Variants in HSD17B4 observed in about 807,000 individuals in gnomAD.
The protein encoded by HSD17B4 is peroxisomal multifunctional enzyme type 2.
In HSD17B4, 70 loss-of-function variants were observed where a neutral mutation model predicts 101.0. The ratio of observed to expected loss-of-function variants is 0.69; its 90% CI spans 0.57 to 0.85. The LOEUF (loss-of-function observed/expected upper bound fraction) is 0.85. Among genes scored for constraint, HSD17B4 ranks in the 40% least tolerant of loss-of-function variants. The pLI is 0.00. For synonymous variants in HSD17B4, 347 were observed against 297.1 expected (o/e 1.17, Z -1.73); for missense variants, 984 against 892.4 (o/e 1.10, Z -1.31).
At chr5:119,539,233 A>G (rs2126924676) in intron 23 of HSD17B4, among the ~76,000 whole-genome samples, 1 of 152,324 alleles carries the variant, frequency 6.6e-6, no homozygotes, top group East Asian at 1.9e-4. Context: ...TGGCACATAC[A>G]CACCATAGAA....
At chr5:119,452,745 G>T (rs913096513) in intron 1 of HSD17B4, 112 bp downstream of exon 1, 3 of 1,594,422 alleles carry the variant, frequency 1.9e-6, no homozygotes, top group Non-Finnish European at 8.5e-7. Context: ...TGAGGTGGTG[G>T]GGAGGGGAAT....
rs1561463454 is a variant in HSD17B4, at chr5:119,499,417, C to CA, written c.1077dup (p.Asp360ArgfsTer7). ...GGAGTGGGAGCGTCAATCAAGGATC[C>CA]AAAAGATTTGAAATTTATTTATGAA... On this transcript the variant is annotated frameshift_variant, in exon 13 of 24. Coordinates refer to ENST00000510025, the MANE Select transcript of HSD17B4 (RefSeq NM_000414.4). LOFTEE classifies it high-confidence loss of function. 1 of 1,613,550 alleles carries CA rather than the reference C, an allele frequency of 6.2e-7. No homozygotes were observed. Among genetic ancestry groups the CA allele is most frequent in the Non-Finnish European group, 8.5e-7 (1 of 1,179,592 alleles).
intron 7 of HSD17B4, 149 bp downstream of exon 7, chr5:119,477,650 C>T: frequency 1.5e-6 from 1 of 679,978 alleles, no homozygotes; most frequent in Non-Finnish European, 2.7e-6. Flanking sequence ...TGGCACATAC[C>T]CTCATTAAAT....
Position 119,473,770 on chromosome 5 carries a change from A to G in HSD17B4, c.113-138A>G, listed in dbSNP as rs892316570. 5.7e-6 allele frequency: 4 copies of G among 696,236 alleles called. No homozygotes were observed. The East Asian group carries it at 1.1e-4, about 19-fold the overall frequency. The allele number at this position is 696,236 out of a possible 1,614,324, so 43.1% of individuals were successfully genotyped here. ...AAATGGCTGTGTTGTGTTTAGTAAG[A>G]TGGGATAGGGTAGGAAGGAACTGGG... On this transcript the variant is annotated intron_variant, in intron 2 of 23. Transcript: ENST00000510025.
chr5:119,479,656 C>T (rs1192260064), intron 8 of HSD17B4, among the ~76,000 whole-genome samples: 1 of 152,134 alleles, frequency 6.6e-6, no homozygotes, highest in African/African-American at 2.4e-5. Context: ...TTCCTGAATT[C>T]TCAGGGATTG....
At chr5:119,493,733 C>T in intron 10 of HSD17B4, 85 bp from the exon 11 acceptor site, 4 of 1,267,578 alleles carry the variant, frequency 3.2e-6, no homozygotes, top group South Asian at 1.2e-5. Context: ...TTTCCTTTCT[C>T]TTTAAAAATG....
At chr5:119,536,596 CT>C (rs1754562939) in intron 23 of HSD17B4, 46 bp downstream of exon 23, 3 of 1,596,478 alleles carry the variant, frequency 1.9e-6, no homozygotes, top group African/African-American at 1.3e-5. Context: ...ATTGTTTCCT[CT>C]TTTGACAATT....
At chr5:119,501,708 A>G (rs927721198) in intron 13 of HSD17B4, among the ~76,000 whole-genome samples, 11 of 152,132 alleles carry the variant, frequency 7.2e-5, no homozygotes, top group Admixed American at 2.6e-4. Context: ...TGGATGCCCA[A>G]TATGTTCCAG....
chr5:119,492,471 A>G (rs1345457606), intron 10 of HSD17B4: 1 of 246,048 alleles, frequency 4.1e-6, no homozygotes, highest in Non-Finnish European at 8.0e-6. Context: ...TCAGCAGAGA[A>G]GTGAGTGGGA....
intron 17 of HSD17B4, among the ~76,000 whole-genome samples, chr5:119,521,798 G>A (rs1184500711): frequency 6.6e-6 from 1 of 151,304 alleles, no homozygotes; most frequent in East Asian, 1.9e-4. Flanking sequence ...CAGAGTGTTT[G>A]TTTTACATCC....
In HSD17B4 at chr5:119,468,170, C is replaced by G. The variant is rs577996573; in HGVS notation, c.113-5738C>G. On this transcript the variant is annotated intron_variant, in intron 2 of 23. Transcript: ENST00000510025. The stretch of plus-strand genomic sequence containing the variant: ...TTTTTTGTAGTGATGAAATTGGATT[C>G]TTTTCTCTTTCTCATTTGTGTATGT... Among the ~76,000 whole-genome samples, 10 of 151,710 alleles carry G rather than the reference C, an allele frequency of 6.6e-5. No individual in the cohort carries two copies. In the East Asian group the frequency reaches 1.9e-3, roughly 29 times the overall value.
chr5:119,516,419 C>T lies in HSD17B4; in HGVS notation c.1503+1373C>T, dbSNP rs148646907. On this transcript the variant is annotated intron_variant, in intron 17 of 23. Coordinates refer to ENST00000510025, the MANE Select transcript of HSD17B4 (RefSeq NM_000414.4). ...ATAGTTTCCAAGGTTTGAATTTCTA[C>T]GCACAGTAAGTAGTGGGGTTTTCTT... Among the ~76,000 whole-genome samples the T allele has an allele frequency of 3.4e-3, 522 of 152,138 alleles. 1 individual carries two copies. Among genetic ancestry groups the T allele is most frequent in the Non-Finnish European group, 6.1e-3 (413 of 68,000 alleles).
At chr5:119,473,430 C>T (rs568750770) in intron 2 of HSD17B4, among the ~76,000 whole-genome samples, 65 of 150,766 alleles carry the variant, frequency 4.3e-4, no homozygotes, top group Admixed American at 3.4e-3. Context: ...GCAATCCTCC[C>T]ACCTCAGCCT....
At chr5:119,526,138 T>G (rs1189448499) in intron 19 of HSD17B4, 115 bp downstream of exon 19, 12 of 714,566 alleles carry the variant, frequency 1.7e-5, no homozygotes, top group Non-Finnish European at 2.8e-5. Context: ...CAATGTACAT[T>G]TTTATTATTT....
intron 17 of HSD17B4, among the ~76,000 whole-genome samples, chr5:119,523,301 A>G (rs927937626): frequency 6.6e-6 from 1 of 152,132 alleles, no homozygotes; most frequent in African/African-American, 2.4e-5. Flanking sequence ...GCAAAATAAT[A>G]TATAGCTATT....
Position 119,541,685 on chromosome 5 carries a change from A to G in HSD17B4, c.2122-220A>G, listed in dbSNP as rs1755005029. Among the ~76,000 whole-genome samples the G allele has an allele frequency of 2.0e-5, 3 of 151,994 alleles. 1 individual carries two copies. Among genetic ancestry groups the G allele is most frequent in the South Asian group, 4.1e-4 (2 of 4,832 alleles). ...CATGAGTTCAGATAAATTATTGTATAGTTTTCTAAAATACACAGGAATGAT... is the reference window on the plus strand; with the variant it reads ...CATGAGTTCAGATAAATTATTGTATGGTTTTCTAAAATACACAGGAATGAT... On this transcript the variant is annotated intron_variant, in intron 23 of 23. Transcript: ENST00000510025.
Position 119,530,865 on chromosome 5 carries a change from AAAAAAC to A in HSD17B4, c.1855-395_1855-390del, listed in dbSNP as rs1399858581. 1.5e-3 allele frequency among the ~76,000 whole-genome samples: 130 copies of A among 87,846 alleles called. 5 individuals carry two copies. The South Asian group carries it at 0.044, about 29-fold the overall frequency. The allele number at this position is 87,846 out of a possible 152,430, so 57.6% of individuals were successfully genotyped here. On this transcript the variant is annotated intron_variant, in intron 21 of 23. Coordinates refer to ENST00000510025, the MANE Select transcript of HSD17B4 (RefSeq NM_000414.4). ...TGTCTCAAAAAAAAAAAAAAAAAAC[AAAAAAC>A]AAAAAAAACCCAAAACTTAAGTTTT... is the stretch of plus-strand genomic sequence containing the variant.
chr5:119,530,204 A>G, intron 21 of HSD17B4: 1 of 494,520 alleles, frequency 2.0e-6, no homozygotes, highest in Non-Finnish European at 3.6e-6. Context: ...ATATCTTTCA[A>G]GAGAACATAA....
chr5:119,496,730 C>T, intron 12 of HSD17B4, 84 bp downstream of exon 12: 1 of 805,778 alleles, frequency 1.2e-6, no homozygotes. Flanking sequence ...TCCTCCCCTA[C>T]TTCTTTCTCT....
Sources: gnomAD v4.1 joint callset for allele counts (sites outside exome capture counted in the v4.1 genomes callset) on GRCh38, gnomAD v4.1.1 for gene constraint, MANE v1.5 for transcripts, NCBI Gene and HGNC (gene_info 2026-07-23, HGNC 2026-07-21) for gene names.